Variants in DPYSL2 observed in about 807,000 individuals in gnomAD.
DPYSL2 encodes dihydropyrimidinase-related protein 2.
Under a neutral mutation model 69.9 loss-of-function variants are expected in DPYSL2, and 13 were observed. The ratio of observed to expected loss-of-function variants is 0.19; its 90% CI spans 0.12 to 0.30. The LOEUF (loss-of-function observed/expected upper bound fraction) is 0.30. DPYSL2 is among the 10% of genes least tolerant of loss of function. The pLI is 1.00. For synonymous variants in DPYSL2, 326 were observed against 359.1 expected, an observed-to-expected ratio of 0.91 and a Z score of 1.04; for missense variants, 587 against 918.9, an observed-to-expected ratio of 0.64 and a Z score of 4.67.
In DPYSL2 at chr8:26,657,209, C is replaced by G. The variant is rs1366984818; in HGVS notation, c.*1503C>G. ...TGAACGATAGATCACATCAGAACTC[C>G]TGTGGGGAGGAAACCTTATAAATTA... is the stretch of plus-strand genomic sequence containing the variant. On this transcript the variant is annotated 3_prime_UTR_variant, in exon 14 of 14. Coordinates refer to ENST00000521913, the MANE Select transcript of DPYSL2 (RefSeq NM_001197293.3). 3 of 152,556 alleles carry G rather than the reference C, an allele frequency of 2.0e-5. No homozygotes were observed. Among genetic ancestry groups the G allele is most frequent in the Non-Finnish European group, 4.4e-5 (3 of 68,042 alleles). The allele number at this position is 152,556 out of a possible 1,614,324, so 9.5% of individuals were successfully genotyped here.
intron 1 of DPYSL2, among the ~76,000 whole-genome samples, chr8:26,570,050 T>C (rs878944309): frequency 6.6e-6 from 1 of 151,980 alleles, no homozygotes; most frequent in African/African-American, 2.4e-5. Context: ...AGTAAAAAAT[T>C]TAAAAAAGAA....
In DPYSL2 at chr8:26,627,077, C is replaced by CAAA. The variant is rs896985085; in HGVS notation, c.856-133_856-131dup. 1.3e-6 allele frequency: 1 copy of CAAA among 742,688 alleles called. No homozygotes were observed. The highest frequency in any genetic ancestry group is 1.8e-5 in the African/African-American group (1 of 56,654). The allele number at this position is 742,688 out of a possible 1,614,324, so 46.0% of individuals were successfully genotyped here. ...GCCAGTAACATTGCCCTCATCATAT[C>CAAA]AAAAAAAGTCAGGCTAATAGAATCG... On this transcript the variant is annotated intron_variant, in intron 5 of 13. Coordinates refer to ENST00000521913, the MANE Select transcript of DPYSL2 (RefSeq NM_001197293.3). This position sits in a 1 kb window ranked among gnomAD's most constrained non-coding sequence, Gnocchi z 6.9.
rs572040580 is a variant in DPYSL2, at chr8:26,570,741, GA to G, written c.355-11205del. On this transcript the variant is annotated intron_variant, in intron 1 of 13. Transcript: ENST00000521913. ...AGAGTGAGACTCAGTCTTAGAAAAG[GA>G]AAAAAAAAAAAAAAAAAAAAAAGAA... Among the ~76,000 whole-genome samples, 305 of 108,280 alleles carry G rather than the reference GA, an allele frequency of 2.8e-3. 2 individuals carry two copies. The highest frequency in any genetic ancestry group is 8.4e-3 in the East Asian group (29 of 3,462). 71.0% of individuals were successfully genotyped at this position (108,280 alleles called of 152,430 possible).
chr8:26,514,867 C>A lies in DPYSL2; in HGVS notation c.354+188C>A, dbSNP rs555603390. On this transcript the variant is annotated intron_variant, in intron 1 of 13. Transcript: ENST00000521913. The surrounding 1 kb of genome is among the most constrained non-coding windows in gnomAD (Gnocchi z 8.4). ...GGCGAGGCTCGGGCTGGGCGGTGGG[C>A]GGCCGTGCGCCCACAAAGGCTGCCC... 1.9e-3 allele frequency among the ~76,000 whole-genome samples: 290 copies of A among 152,284 alleles called. 1 individual carries two copies. Among genetic ancestry groups the A allele is most frequent in the Middle Eastern group, 3.4e-3 (1 of 292 alleles).
In DPYSL2 at chr8:26,582,760, CTGTT is replaced by C. The variant is rs2129735900; in HGVS notation, c.443+706_443+709del. ...CCGGGGCTCTGGAGAAATAGCACAT[CTGTT>C]TGAAGACAAACACTGCAGCCAGTGA... is the stretch of plus-strand genomic sequence containing the variant. On this transcript the variant is annotated intron_variant, in intron 2 of 13. Transcript: ENST00000521913. The surrounding 1 kb of genome is among the most constrained non-coding windows in gnomAD (Gnocchi z 4.1). Among the ~76,000 whole-genome samples, 1 of 152,312 alleles carries C rather than the reference CTGTT, an allele frequency of 6.6e-6. No individual in the cohort carries two copies. The highest frequency in any genetic ancestry group is 2.1e-4 in the South Asian group (1 of 4,830).
At position 26,582,624 on chromosome 8, in the gene DPYSL2, C is replaced by T. The variant is rs1801514667; in HGVS notation, c.443+567C>T. On this transcript the variant is annotated intron_variant, in intron 2 of 13. Coordinates refer to ENST00000521913, the MANE Select transcript of DPYSL2 (RefSeq NM_001197293.3). This position sits in a 1 kb window ranked among gnomAD's most constrained non-coding sequence, Gnocchi z 4.1. Reference sequence around the variant, plus strand: ...CCTTGTGTTTATTGTGTTAATGTTACAAAGGAGAAGCAACAGGGCAGTTCC... The same window carrying T: ...CCTTGTGTTTATTGTGTTAATGTTATAAAGGAGAAGCAACAGGGCAGTTCC... Among the ~76,000 whole-genome samples the T allele has an allele frequency of 1.3e-5, 2 of 152,182 alleles. No individual in the cohort carries two copies. The highest frequency in any genetic ancestry group is 1.3e-4 in the Admixed American group (2 of 15,282).
intron 1 of DPYSL2, among the ~76,000 whole-genome samples, chr8:26,566,394 G>A (rs748222422): frequency 6.6e-6 from 1 of 152,210 alleles, no homozygotes; most frequent in Non-Finnish European, 1.5e-5. Context: ...GAATTATCCC[G>A]TTGCTTACTG....
intron 8 of DPYSL2, among the ~76,000 whole-genome samples, chr8:26,636,180 C>A (rs1312445212): frequency 2.6e-5 from 4 of 152,228 alleles, no homozygotes; most frequent in African/African-American, 9.6e-5. Flanking sequence ...AAAGCATTCA[C>A]CTAAAATAAT....
intron 3 of DPYSL2, among the ~76,000 whole-genome samples, chr8:26,584,613 CTTT>C (rs35587383): frequency 2.0e-5 from 2 of 100,136 alleles, no homozygotes; most frequent in Admixed American, 1.1e-4. Context: ...GGGCTTTGTG[CTTT>C]TTTTTTTTTT....
intron 1 of DPYSL2, among the ~76,000 whole-genome samples, chr8:26,521,452 A>C (rs1174099471): frequency 6.7e-6 from 1 of 149,840 alleles, no homozygotes; most frequent in African/African-American, 2.4e-5. Context: ...CTCTGAAAGA[A>C]AGCTATGCTG....
At chr8:26,649,763 G>T (rs1351747139) in intron 11 of DPYSL2, among the ~76,000 whole-genome samples, 2 of 152,194 alleles carry the variant, frequency 1.3e-5, no homozygotes, top group Admixed American at 1.3e-4. Flanking sequence ...GGCCCGATGA[G>T]TAATTTTAGG....
intron 1 of DPYSL2, among the ~76,000 whole-genome samples, chr8:26,539,707 T>C (rs1800648575): frequency 6.6e-6 from 1 of 152,136 alleles, no homozygotes; most frequent in Admixed American, 6.5e-5. Flanking sequence ...GTCCGGCTAA[T>C]TTTTGTCTGA....
chr8:26,601,405 T>A (rs909813363), intron 3 of DPYSL2, among the ~76,000 whole-genome samples: 13 of 149,958 alleles, frequency 8.7e-5, no homozygotes, highest in African/African-American at 3.2e-4. Flanking sequence ...TGAGACAGAG[T>A]CTCGCTCTGT....
intron 3 of DPYSL2, among the ~76,000 whole-genome samples, chr8:26,607,029 G>A (rs190226473): frequency 8.5e-5 from 13 of 152,076 alleles, no homozygotes; most frequent in African/African-American, 1.4e-4. Context: ...AAATTCATAC[G>A]CCTTGACCTA....
rs191533180 is a variant in DPYSL2 at position 26,591,573 on chromosome 8, G to A, written c.628+7590G>A. On this transcript the variant is annotated intron_variant, in intron 3 of 13. Coordinates refer to ENST00000521913, the MANE Select transcript of DPYSL2 (RefSeq NM_001197293.3). This position sits in a 1 kb window ranked among gnomAD's most constrained non-coding sequence, Gnocchi z 5.8. ...AATGAGTCTGATGGGAGCCAGACCC[G>A]TTACTCCTTCTACTCATGATAGCTT... 1.2e-4 allele frequency among the ~76,000 whole-genome samples: 18 copies of A among 152,272 alleles called. No individual in the cohort carries two copies. The East Asian group carries it at 3.3e-3, about 28-fold the overall frequency.
intron 1 of DPYSL2, among the ~76,000 whole-genome samples, chr8:26,561,788 G>A (rs1177171876): frequency 6.6e-6 from 1 of 152,122 alleles, no homozygotes; most frequent in African/African-American, 2.4e-5. Context: ...TTCACAGTAG[G>A]GTTCGAGCTC....
intron 11 of DPYSL2, among the ~76,000 whole-genome samples, chr8:26,649,275 C>T (rs917774843): frequency 1.3e-5 from 2 of 152,232 alleles, no homozygotes; most frequent in Non-Finnish European, 2.9e-5. Flanking sequence ...CATATGCAGC[C>T]TCTTGGTCAG....
At chr8:26,623,865 A>T in intron 3 of DPYSL2, 1 of 361,974 alleles carries the variant, frequency 2.8e-6, no homozygotes. Context: ...CGTGAAATGC[A>T]CCCAAAGCTT....
intron 3 of DPYSL2, among the ~76,000 whole-genome samples, chr8:26,607,855 G>A (rs774678640): frequency 6.6e-5 from 10 of 152,014 alleles, no homozygotes; most frequent in Non-Finnish European, 1.2e-4. Flanking sequence ...TGAGGTGGGC[G>A]GATCACAAGG....
Sources: gnomAD v4.1 joint callset for allele counts (sites outside exome capture counted in the v4.1 genomes callset) on GRCh38, gnomAD v4.1.1 for gene constraint, Gnocchi (gnomAD v3.1) non-coding constraint, MANE v1.5 for transcripts, NCBI Gene and HGNC (gene_info 2026-07-23, HGNC 2026-07-21) for gene names.